Variants in PHACTR3 observed in about 807,000 individuals in gnomAD.
The protein encoded by PHACTR3 is phosphatase and actin regulator 3, also known as protein phosphatase 1, regulatory subunit 123.
PHACTR3 carries 16 observed loss-of-function variants against 66.8 expected under a neutral mutation model. That is an observed-to-expected ratio of 0.24 (90% CI 0.16 to 0.36). The LOEUF is 0.36. PHACTR3 is among the 10% of genes least tolerant of loss of function. The probability of loss-of-function intolerance (pLI) is 1.00; values close to 1 mark genes in which losing one functional copy is unlikely to be tolerated. For missense variants in PHACTR3, 647 were observed against 719.9 expected (o/e 0.90, Z 1.16); for synonymous variants, 323 against 292.1 (o/e 1.11, Z -1.08).
At chr20:59,645,739 C>A (rs551087172) in intron 1 of PHACTR3, among the ~76,000 whole-genome samples, 1 of 152,020 alleles carries the variant, frequency 6.6e-6, no homozygotes, top group African/African-American at 2.4e-5. Flanking sequence ...TTTAATGAAA[C>A]CGTCATGTTT....
At position 59,604,698 on chromosome 20, in the gene PHACTR3, C is replaced by CTGGTTCAACTTT; in HGVS notation, c.-315_-304dup. On this transcript the variant is annotated 5_prime_UTR_variant, in exon 1 of 13. Transcript: ENST00000371015. ...ACTGACAAGAAAAAGTTTTTATTTC[C>CTGGTTCAACTTT]TGGTTCAACTTTTTTTTTTTTCCCT... 9.7e-7 allele frequency: 1 copy of CTGGTTCAACTTT among 1,031,032 alleles called. No individual in the cohort carries two copies. Among genetic ancestry groups the CTGGTTCAACTTT allele is most frequent in the Non-Finnish European group, 1.2e-6 (1 of 862,302 alleles). The allele number at this position is 1,031,032 out of a possible 1,614,324, so 63.9% of individuals were successfully genotyped here.
At chr20:59,838,448 CTA>C (rs1185224468) in intron 9 of PHACTR3, among the ~76,000 whole-genome samples, 1 of 149,880 alleles carries the variant, frequency 6.7e-6, no homozygotes, top group Non-Finnish European at 1.5e-5. Context: ...CCATATAACA[CTA>C]TAACGTGGAT....
intron 4 of PHACTR3, among the ~76,000 whole-genome samples, chr20:59,766,196 G>C (rs2040175136): frequency 6.6e-6 from 1 of 152,168 alleles, no homozygotes; most frequent in Non-Finnish European, 1.5e-5. Flanking sequence ...GGTGGGGAAG[G>C]GACAGAAAGG....
chr20:59,815,904 A>G (rs1428351438), intron 8 of PHACTR3, among the ~76,000 whole-genome samples: 2 of 152,168 alleles, frequency 1.3e-5, no homozygotes, highest in Non-Finnish European at 2.9e-5. Flanking sequence ...CTAGAGCAGC[A>G]GTCCCCATCC....
At chr20:59,740,143 T>C (rs1388758294) in intron 1 of PHACTR3, among the ~76,000 whole-genome samples, 1 of 152,152 alleles carries the variant, frequency 6.6e-6, no homozygotes, top group Non-Finnish European at 1.5e-5. Context: ...TAGAAATTAT[T>C]ATAATATAAA....
intron 1 of PHACTR3, among the ~76,000 whole-genome samples, chr20:59,707,746 G>T (rs777794476): frequency 1.3e-5 from 2 of 152,034 alleles, no homozygotes; most frequent in Non-Finnish European, 2.9e-5. Flanking sequence ...GATTACAGGC[G>T]TGAGCCCCCT....
chr20:59,753,543 A>C (rs1467969626), intron 3 of PHACTR3, among the ~76,000 whole-genome samples: 1 of 152,034 alleles, frequency 6.6e-6, no homozygotes, highest in Non-Finnish European at 1.5e-5. Flanking sequence ...GGGCCAGATC[A>C]CTCTTGTCAC....
At chr20:59,676,621 G>C in intron 1 of PHACTR3, 4 of 874,410 alleles carry the variant, frequency 4.6e-6, no homozygotes, top group East Asian at 1.2e-4. Context: ...CCAGGAGCAA[G>C]TGAGAGTGCC....
At chr20:59,651,469 G>A (rs984149077) in intron 1 of PHACTR3, among the ~76,000 whole-genome samples, 3 of 152,166 alleles carry the variant, frequency 2.0e-5, no homozygotes, top group African/African-American at 7.2e-5. Flanking sequence ...CTAGCCATAT[G>A]AACCTTATGG....
chr20:59,650,761 A>C (rs1452076431), intron 1 of PHACTR3, among the ~76,000 whole-genome samples: 2 of 149,368 alleles, frequency 1.3e-5, no homozygotes, highest in Non-Finnish European at 3.0e-5. Flanking sequence ...AAAAAAAAAA[A>C]GTCTCAGGGG....
intron 7 of PHACTR3, among the ~76,000 whole-genome samples, chr20:59,777,910 G>A (rs1157865765): frequency 6.6e-6 from 1 of 152,058 alleles, no homozygotes; most frequent in African/African-American, 2.4e-5. Context: ...CTACGCATGC[G>A]TCCACGTGGG....
chr20:59,751,452 C>A (rs1387379220), intron 3 of PHACTR3, among the ~76,000 whole-genome samples: 2 of 152,186 alleles, frequency 1.3e-5, no homozygotes. Context: ...TTGCCCTCTG[C>A]CCTGCACACG....
At chr20:59,642,188 T>G (rs2035126585) in intron 1 of PHACTR3, among the ~76,000 whole-genome samples, 1 of 152,114 alleles carries the variant, frequency 6.6e-6, no homozygotes, top group South Asian at 2.1e-4. Context: ...AAAAAAAGAC[T>G]TAGACATGGA....
intron 1 of PHACTR3, among the ~76,000 whole-genome samples, chr20:59,726,506 T>C (rs1356547542): frequency 6.6e-6 from 1 of 152,174 alleles, no homozygotes; most frequent in African/African-American, 2.4e-5. Flanking sequence ...TGTTTGCTCC[T>C]TCTCCCTCCC....
chr20:59,659,326 G>A (rs951417673), intron 1 of PHACTR3, among the ~76,000 whole-genome samples: 1 of 149,382 alleles, frequency 6.7e-6, no homozygotes, highest in African/African-American at 2.5e-5. Flanking sequence ...TATCAGAGTT[G>A]GAACACTGAG....
chr20:59,657,137 C>T (rs2035643580), intron 1 of PHACTR3, among the ~76,000 whole-genome samples: 1 of 151,922 alleles, frequency 6.6e-6, no homozygotes, highest in South Asian at 2.1e-4. Flanking sequence ...CTTGTGGATT[C>T]AAGTTACTGT....
intron 1 of PHACTR3, among the ~76,000 whole-genome samples, chr20:59,685,945 T>G (rs894896514): frequency 1.3e-5 from 2 of 152,220 alleles, no homozygotes; most frequent in African/African-American, 4.8e-5. Context: ...AGGCCCTCGG[T>G]AACTGCCAGT....
In PHACTR3 at chr20:59,830,986, C is replaced by T. The variant is rs767330654; in HGVS notation, c.1329-5519C>T. 8.5e-5 allele frequency among the ~76,000 whole-genome samples: 13 copies of T among 152,218 alleles called. No individual in the cohort carries two copies. Among genetic ancestry groups the T allele is most frequent in the Middle Eastern group, 3.4e-3 (1 of 294 alleles). On this transcript the variant is annotated intron_variant, in intron 8 of 12. Transcript: ENST00000371015. The surrounding 1 kb of genome is among the most constrained non-coding windows in gnomAD (Gnocchi z 5.8). ...CAGGCGTCCTGACTGTCCAGGCTGT[C>T]GGCGGTCTCATCAGCTCCACCTCTA...
intron 1 of PHACTR3, among the ~76,000 whole-genome samples, chr20:59,646,578 G>A (rs1414282092): frequency 1.3e-5 from 2 of 152,140 alleles, no homozygotes; most frequent in Admixed American, 1.3e-4. Flanking sequence ...TCTGGGCCCA[G>A]TGTACCCTGG....
Sources: allele counts gnomAD v4.1 joint callset (sites outside exome capture counted in the v4.1 genomes callset), GRCh38; gene constraint gnomAD v4.1.1; non-coding constraint Gnocchi (gnomAD v3.1); transcripts MANE v1.5; gene names NCBI Gene and HGNC (gene_info 2026-07-23, HGNC 2026-07-21).